Variants in WWOX observed in about 807,000 individuals in gnomAD.
WWOX encodes the protein WW domain-containing oxidoreductase.
A neutral mutation model predicts 46.2 loss-of-function variants in WWOX; 69 were observed. The ratio of observed to expected loss-of-function variants is 1.49; its 90% CI spans 1.23 to 1.82. The LOEUF (loss-of-function observed/expected upper bound fraction) is 1.82, where lower values mean the gene tolerates loss of function less well. WWOX is among the 40% of genes most tolerant of loss of function. The probability of loss-of-function intolerance (pLI) is 0.00; values close to 1 mark genes in which losing one functional copy is unlikely to be tolerated. For synonymous variants in WWOX, 359 were observed against 202.6 expected, an observed-to-expected ratio of 1.77 and a Z score of -6.56; for missense variants, 919 against 542.6, an observed-to-expected ratio of 1.69 and a Z score of -6.89.
chr16:78,621,432 C>T (rs899521018), intron 8 of WWOX, among the ~76,000 whole-genome samples: 2 of 151,884 alleles, frequency 1.3e-5, no homozygotes, highest in East Asian at 1.9e-4. Context: ...TTATTTTTCC[C>T]TCTTGGAGTT....
intron 8 of WWOX, among the ~76,000 whole-genome samples, chr16:78,921,923 A>T (rs1423354168): frequency 6.6e-6 from 1 of 152,200 alleles, no homozygotes; most frequent in Non-Finnish European, 1.5e-5. Context: ...CAGGGAAAGG[A>T]TACAGGTTAA....
At chr16:78,691,196 C>G in intron 8 of WWOX, 11 of 701,584 alleles carry the variant, frequency 1.6e-5, no homozygotes, top group Non-Finnish European at 1.0e-5. Flanking sequence ...AGATGTAGGT[C>G]CAGCGCCTAG....
rs151153814 is a variant in WWOX, at chr16:78,613,903, G to C, written c.1056+181151G>C. Among the ~76,000 whole-genome samples the C allele has an allele frequency of 4.9e-3, 745 of 152,322 alleles. 4 individuals are homozygous for C. The highest frequency in any genetic ancestry group is 8.1e-3 in the Non-Finnish European group (549 of 68,024). On this transcript the variant is annotated intron_variant, in intron 8 of 8. Coordinates refer to ENST00000566780, the MANE Select transcript of WWOX (RefSeq NM_016373.4). ...ACAGCCCATAGGCCAAATCTGGCCT[G>C]TTTTTGTAAATAAAGTTTTATTGCT...
chr16:78,401,857 G>A (rs1209530667), intron 6 of WWOX, among the ~76,000 whole-genome samples: 9 of 151,880 alleles, frequency 5.9e-5, no homozygotes, highest in Admixed American at 6.6e-5. Flanking sequence ...GCGCCACCAC[G>A]CTTGGCTAAT....
intron 8 of WWOX, among the ~76,000 whole-genome samples, chr16:79,015,229 C>T (rs1387139231): frequency 5.3e-5 from 8 of 152,080 alleles, no homozygotes; most frequent in Admixed American, 2.6e-4. Context: ...ACAGAAGGTG[C>T]CTGATTTCCT....
At chr16:78,483,873 C>T (rs1437459049) in intron 8 of WWOX, among the ~76,000 whole-genome samples, 1 of 152,088 alleles carries the variant, frequency 6.6e-6, no homozygotes, top group Non-Finnish European at 1.5e-5. Flanking sequence ...TGACTTTGCT[C>T]ACAAAAACAT....
At chr16:78,387,854 T>C (rs1036180094) in intron 6 of WWOX, among the ~76,000 whole-genome samples, 2 of 152,100 alleles carry the variant, frequency 1.3e-5, no homozygotes, top group Non-Finnish European at 2.9e-5. Context: ...AAGGATAAGA[T>C]AATTACACAA....
intron 5 of WWOX, among the ~76,000 whole-genome samples, chr16:78,371,683 CTTTAGTG>C (rs1319916481): frequency 2.0e-5 from 3 of 151,960 alleles, no homozygotes; most frequent in Non-Finnish European, 2.9e-5. Context: ...CCATTTTTAT[CTTTAGTG>C]TTTAGTGTTT....
intron 8 of WWOX, among the ~76,000 whole-genome samples, chr16:78,765,601 C>T (rs960118217): frequency 1.3e-5 from 2 of 151,968 alleles, no homozygotes; most frequent in Non-Finnish European, 2.9e-5. Context: ...ATTGCTTGAA[C>T]CCGGGAGGCA....
At chr16:78,284,435 A>G (rs2079734848) in intron 5 of WWOX, among the ~76,000 whole-genome samples, 1 of 152,342 alleles carries the variant, frequency 6.6e-6, no homozygotes, top group South Asian at 2.1e-4. Flanking sequence ...ATCTTTGTCT[A>G]TTACATCAGC....
intron 8 of WWOX, among the ~76,000 whole-genome samples, chr16:79,081,398 A>G (rs982645021): frequency 6.6e-5 from 10 of 152,190 alleles, no homozygotes; most frequent in African/African-American, 2.4e-4. Flanking sequence ...TCTTGACCTC[A>G]GGTGATCCAT....
chr16:78,827,195 A>T (rs1365413154), intron 8 of WWOX, among the ~76,000 whole-genome samples: 1 of 152,120 alleles, frequency 6.6e-6, no homozygotes, highest in Admixed American at 6.5e-5. Context: ...TGAAAGGGTA[A>T]ATGCATGAAA....
chr16:78,613,013 C>G (rs1254897199), intron 8 of WWOX, among the ~76,000 whole-genome samples: 1 of 152,148 alleles, frequency 6.6e-6, no homozygotes, highest in Non-Finnish European at 1.5e-5. Context: ...CTCAGAACAC[C>G]ACTCAGTACT....
chr16:78,435,567 CA>C (rs1302772017), intron 8 of WWOX, among the ~76,000 whole-genome samples: 1 of 152,126 alleles, frequency 6.6e-6, no homozygotes, highest in African/African-American at 2.4e-5. Context: ...GGTGACATCG[CA>C]AAAATCCCAG....
In WWOX at chr16:79,160,989, G is replaced by C. The variant is rs137868111; in HGVS notation, c.1057-50619G>C. ...AGCACGTTTCCTGGCACCTTGTTTG[G>C]TTCAATAATGTTGCTGGGATTATAC... On this transcript the variant is annotated intron_variant, in intron 8 of 8. Transcript: ENST00000566780. 2.6e-5 allele frequency among the ~76,000 whole-genome samples: 4 copies of C among 152,186 alleles called. No individual in the cohort carries two copies. In the South Asian group the frequency reaches 6.2e-4, roughly 24 times the overall value.
intron 4 of WWOX, chr16:78,123,776 A>G (rs774075534): frequency 6.6e-6 from 1 of 151,842 alleles, no homozygotes; most frequent in Non-Finnish European, 1.5e-5. Context: ...TTTTCTAAGA[A>G]TATAGTGTCC....
intron 8 of WWOX, among the ~76,000 whole-genome samples, chr16:78,435,442 G>T (rs2083313308): frequency 6.6e-6 from 1 of 152,208 alleles, no homozygotes; most frequent in Non-Finnish European, 1.5e-5. Flanking sequence ...AGAAACAAAT[G>T]TCCTCTGGGA....
intron 8 of WWOX, among the ~76,000 whole-genome samples, chr16:78,779,057 G>A (rs1463213967): frequency 3.3e-5 from 5 of 152,058 alleles, no homozygotes; most frequent in Admixed American, 1.3e-4. Flanking sequence ...TGTTATAGCC[G>A]GAAGGGATTC....
intron 8 of WWOX, among the ~76,000 whole-genome samples, chr16:78,906,440 C>G (rs1031102245): frequency 2.0e-5 from 3 of 151,770 alleles, no homozygotes; most frequent in Non-Finnish European, 4.4e-5. Flanking sequence ...AGCTAAAATT[C>G]TCTTCCCAGG....
Sources: allele counts gnomAD v4.1 joint callset (sites outside exome capture counted in the v4.1 genomes callset), GRCh38; gene constraint gnomAD v4.1.1; transcripts MANE v1.5; gene names NCBI Gene and HGNC (gene_info 2026-07-23, HGNC 2026-07-21).